Variants in LAYN observed in about 807,000 individuals in gnomAD.
The protein encoded by LAYN is layilin.
Under a neutral mutation model 43.6 loss-of-function variants are expected in LAYN, and 38 were observed. The ratio of observed to expected loss-of-function variants is 0.87; its 90% CI spans 0.67 to 1.14. The LOEUF (loss-of-function observed/expected upper bound fraction) is 1.14. Among genes scored for constraint, LAYN ranks in the 50% most tolerant of loss-of-function variants. LAYN has a pLI of 0.00. For synonymous variants in LAYN, 168 were observed against 172.9 expected, an observed-to-expected ratio of 0.97 and a Z score of 0.22; for missense variants, 479 against 463.8, an observed-to-expected ratio of 1.03 and a Z score of -0.30.
chr11:111,541,691 A>G (rs1248867525), intron 1 of LAYN: 2 of 984,384 alleles, frequency 2.0e-6, no homozygotes, highest in Non-Finnish European at 3.1e-6. Flanking sequence ...CAGCTTGACC[A>G]AACGGGACAG....
Position 111,540,790 on chromosome 11 carries a change from G to T in LAYN, c.-54G>T. 6.7e-7 allele frequency: 1 copy of T among 1,489,622 alleles called. No homozygotes were observed. The highest frequency in any genetic ancestry group is 2.7e-5 in the East Asian group (1 of 37,356). The allele number at this position is 1,489,622 out of a possible 1,614,324, so 92.3% of individuals were successfully genotyped here. On this transcript the variant is annotated 5_prime_UTR_variant, in exon 1 of 7. Coordinates refer to ENST00000375614, the MANE Select transcript of LAYN (RefSeq NM_178834.5). ...TTGTCGCGCACGCCTCTGCCCGCCA[G>T]CCCGCTCCACCGCCGTAGCGCCCGA...
chr11:111,540,447 T>C, upstream of LAYN: 1 of 255,574 alleles, frequency 3.9e-6, no homozygotes, highest in South Asian at 5.4e-5. Flanking sequence ...AGGCACACTG[T>C]GCTCGTTATC....
At position 111,540,872 on chromosome 11, in the gene LAYN, T is replaced by G. The variant is rs998974668; in HGVS notation, c.29T>G (p.Val10Gly). The G allele has an allele frequency of 1.3e-6, 2 of 1,532,146 alleles. No homozygotes were observed. Among genetic ancestry groups the G allele is most frequent in the Non-Finnish European group, 1.7e-6 (2 of 1,145,568 alleles). 94.9% of individuals were successfully genotyped at this position (1,532,146 alleles called of 1,614,324 possible). A position where few individuals can be genotyped will look rare whatever the true frequency, so the allele number is the denominator to read the frequency against. MRPGTALQA[V>G]LLAVLLVGLR... ...AGGCCGGGAACCGCGCTACAGGCCG[T>G]GCTGCTGGCCGTGCTGCTGGTGGGG... Residue 10 changes from valine (V) to glycine (G), a missense_variant, in exon 1 of 7, where the codon GTG becomes GGG. Val to Gly is a moderately radical substitution (Grantham distance 109). Transcript: ENST00000375614.
chr11:111,540,937 G>C lies in LAYN; in HGVS notation c.85+9G>C, dbSNP rs189204826. The C allele has an allele frequency of 1.1e-3, 1,715 of 1,529,822 alleles. 3 individuals are homozygous for C. The highest frequency in any genetic ancestry group is 2.2e-3 in the Middle Eastern group (10 of 4,566). The allele number at this position is 1,529,822 out of a possible 1,614,324, so 94.8% of individuals were successfully genotyped here. A position where few individuals can be genotyped will look rare whatever the true frequency, so the allele number is the denominator to read the frequency against. The stretch of plus-strand genomic sequence containing the variant: ...GGGTCGCCTGCTGAGTGGTGAGTGC[G>C]CGCGCTGGGGCGGGGGCTGGTGCCG... On this transcript the variant is annotated intron_variant, in intron 1 of 6. Coordinates refer to ENST00000375614, the MANE Select transcript of LAYN (RefSeq NM_178834.5).
rs1867950272 is a variant in LAYN at position 111,561,148 on chromosome 11, T to A, written c.*690T>A. On this transcript the variant is annotated 3_prime_UTR_variant, in exon 7 of 7. Transcript: ENST00000375614. ...ACCAAGATTGGAGGATAGCTTGAGT[T>A]CAGGAGTTCCAGACCTTCCTGGGCA... 6.6e-6 allele frequency: 1 copy of A among 152,558 alleles called. No individual in the cohort carries two copies. Among genetic ancestry groups the A allele is most frequent in the Admixed American group, 6.5e-5 (1 of 15,276 alleles). The allele number at this position is 152,558 out of a possible 1,614,324, so 9.5% of individuals were successfully genotyped here.
intron 3 of LAYN, among the ~76,000 whole-genome samples, chr11:111,550,981 G>A (rs1394852546): frequency 6.6e-6 from 1 of 152,118 alleles, no homozygotes; most frequent in East Asian, 1.9e-4. Context: ...GTCACACTAA[G>A]TCCTGGCAAG....
intron 2 of LAYN, among the ~76,000 whole-genome samples, chr11:111,548,182 A>C (rs914667940): frequency 4.6e-5 from 7 of 152,172 alleles, no homozygotes; most frequent in Non-Finnish European, 8.8e-5. Flanking sequence ...CCTGTGTCCA[A>C]CAGCCCTTGT....
At chr11:111,543,724 C>T (rs1284530030) in intron 1 of LAYN, among the ~76,000 whole-genome samples, 199 bp from the exon 2 acceptor site, 1 of 152,216 alleles carries the variant, frequency 6.6e-6, no homozygotes, top group African/African-American at 2.4e-5. Context: ...ACAATATAGG[C>T]ATCAGAGTTT....
chr11:111,543,568 C>T (rs1452712697), intron 1 of LAYN, among the ~76,000 whole-genome samples: 1 of 152,184 alleles, frequency 6.6e-6, no homozygotes, highest in Non-Finnish European at 1.5e-5. Context: ...CACATTATCC[C>T]CTGAGACTCC....
At chr11:111,541,636 G>A in intron 1 of LAYN, 1 of 1,495,822 alleles carries the variant, frequency 6.7e-7, no homozygotes, top group Non-Finnish European at 9.0e-7. Flanking sequence ...ATGTCGGGGG[G>A]AGAACATCCG....
Position 111,540,781 on chromosome 11 carries a change from T to C in LAYN, c.-63T>C, listed in dbSNP as rs2135786764. ...CGGTTGCAGTTGTCGCGCACGCCTCTGCCCGCCAGCCCGCTCCACCGCCGT... is the reference window on the plus strand; with the variant it reads ...CGGTTGCAGTTGTCGCGCACGCCTCCGCCCGCCAGCCCGCTCCACCGCCGT... On this transcript the variant is annotated 5_prime_UTR_variant, in exon 1 of 7. Transcript: ENST00000375614. The C allele has an allele frequency of 6.8e-7, 1 of 1,469,846 alleles. No individual in the cohort carries two copies. Among genetic ancestry groups the C allele is most frequent in the Non-Finnish European group, 9.0e-7 (1 of 1,108,132 alleles). The allele number at this position is 1,469,846 out of a possible 1,614,324, so 91.1% of individuals were successfully genotyped here.
intron 3 of LAYN, chr11:111,551,308 C>T (rs1867740174): frequency 2.2e-6 from 1 of 456,126 alleles, no homozygotes; most frequent in South Asian, 1.5e-5. Context: ...CTCTGACCTT[C>T]TGCCTTTGCC....
At chr11:111,555,111 A>C (rs1867810923) in intron 4 of LAYN, 96 bp from the exon 5 acceptor site, 1 of 907,916 alleles carries the variant, frequency 1.1e-6, no homozygotes, top group African/African-American at 1.7e-5. Flanking sequence ...AAATTTCTAC[A>C]GCTTTTTTGC....
At chr11:111,553,264 TAAAC>T (rs1398403080) in intron 3 of LAYN, among the ~76,000 whole-genome samples, 2 of 151,714 alleles carry the variant, frequency 1.3e-5, no homozygotes, top group South Asian at 2.1e-4. Flanking sequence ...AATAAATAAA[TAAAC>T]AACAATAATA....
At position 111,560,311 on chromosome 11, in the gene LAYN, G is replaced by C. The variant is rs1867931711; in HGVS notation, c.978G>C (p.Met326Ile). 3 of 1,614,096 alleles carry C rather than the reference G, an allele frequency of 1.9e-6. No individual in the cohort carries two copies. The highest frequency in any genetic ancestry group is 2.7e-5 in the African/African-American group (2 of 74,932). The change falls in exon 7 of 7, where the codon ATG becomes ATC. Residue 326 changes from methionine (M) to isoleucine (I), a missense_variant. Coordinates refer to ENST00000375614, the MANE Select transcript of LAYN (RefSeq NM_178834.5). ...ACATGTCTTGTGACTATGACAACAT[G>C]GCTGTGAACCCATCAGAAAGTGGGT... is the stretch of plus-strand genomic sequence containing the variant. ...PDDMSCDYDN[M>I]AVNPSESGFV...
chr11:111,544,053 C>G lies in LAYN; in HGVS notation c.216C>G (p.Ser72Arg). The part of the protein sequence containing the change: ...ACRRDGGQLV[S>R]IESEDEQKLI... ...GGAGGGATGGAGGCCAGCTAGTCAGCATCGAGTCTGAAGATGAACAGAAAC... is the reference window on the plus strand; with the variant it reads ...GGAGGGATGGAGGCCAGCTAGTCAGGATCGAGTCTGAAGATGAACAGAAAC... The change falls in exon 2 of 7, where the codon AGC becomes AGG. Residue 72 changes from serine (S) to arginine (R), a missense_variant. By Grantham distance (110) the Ser-to-Arg change is moderately radical. Transcript: ENST00000375614. 1 of 1,614,166 alleles carries G rather than the reference C, an allele frequency of 6.2e-7. No individual in the cohort carries two copies. Among genetic ancestry groups the G allele is most frequent in the Non-Finnish European group, 8.5e-7 (1 of 1,180,028 alleles).
In LAYN at chr11:111,560,187, A is replaced by G; in HGVS notation, c.854A>G (p.Asn285Ser). The change falls in exon 7 of 7, where the codon AAT becomes AGT. Residue 285 changes from asparagine (N) to serine (S), a missense_variant. Physicochemically the swap from Asn to Ser is conservative, Grantham distance 46. Transcript: ENST00000375614. The part of the protein sequence containing the change: ...QGNSPDLEVY[N>S]VIRKQSEADL... The stretch of plus-strand genomic sequence containing the variant: ...AACAGCCCGGACCTAGAGGTCTACA[A>G]TGTCATAAGAAAACAAAGCGAAGCT... 15 of 1,614,174 alleles carry G rather than the reference A, an allele frequency of 9.3e-6. No homozygotes were observed. Among genetic ancestry groups the G allele is most frequent in the Non-Finnish European group, 1.2e-5 (14 of 1,180,010 alleles).
rs1867534434 is a variant in LAYN, at chr11:111,541,364, G to A, written c.85+436G>A. On this transcript the variant is annotated intron_variant, in intron 1 of 6. Coordinates refer to ENST00000375614, the MANE Select transcript of LAYN (RefSeq NM_178834.5). ...GGGAGGCGGCCGCAGAGACAGCGGG[G>A]TAGGGATGCTGGATCCCCGGTGCCG... The A allele has an allele frequency of 2.5e-5, 16 of 630,946 alleles. No individual in the cohort carries two copies. The South Asian group carries it at 2.8e-4, about 11-fold the overall frequency. The allele number at this position is 630,946 out of a possible 1,614,324, so 39.1% of individuals were successfully genotyped here. A position where few individuals can be genotyped will look rare whatever the true frequency, so the allele number is the denominator to read the frequency against.
At chr11:111,543,588 G>T (rs576600859) in intron 1 of LAYN, among the ~76,000 whole-genome samples, 10 of 152,270 alleles carry the variant, frequency 6.6e-5, no homozygotes, top group Admixed American at 5.2e-4. Context: ...CCTAATGAAA[G>T]TGTTATTTGT....
Sources: allele counts gnomAD v4.1 joint callset (sites outside exome capture counted in the v4.1 genomes callset), GRCh38; gene constraint gnomAD v4.1.1; transcripts MANE v1.5; gene names NCBI Gene and HGNC (gene_info 2026-07-23, HGNC 2026-07-21).